The following TTC33 variants were observed in gnomAD, a reference collection of about 807,000 sequenced individuals.
TTC33 encodes tetratricopeptide repeat domain 33, also known as tetratricopeptide repeat protein 33.
A neutral mutation model predicts 29.4 loss-of-function variants in TTC33; 24 were observed. The ratio of observed to expected loss-of-function variants is 0.82; its 90% CI spans 0.59 to 1.15. The LOEUF (loss-of-function observed/expected upper bound fraction) is 1.15. TTC33 is among the 50% of genes most tolerant of loss of function. The pLI is 0.00. For missense variants in TTC33, 286 were observed against 310.4 expected (o/e 0.92, Z 0.59); for synonymous variants, 107 against 100.3 (o/e 1.07, Z -0.40).
chr5:40,712,587 C>G lies in TTC33; in HGVS notation c.*3558G>C, dbSNP rs964922209. The stretch of plus-strand genomic sequence containing the variant: ...TGGGCAGTTCTGCACAAGCACAAAT[C>G]TCCCTTTGCAGAGGCAAAGAACTTT... On this transcript the variant is annotated 3_prime_UTR_variant, in exon 5 of 5. Transcript: ENST00000337702. Among the ~76,000 whole-genome samples the G allele has an allele frequency of 6.6e-6, 1 of 152,176 alleles. No homozygotes were observed. The highest frequency in any genetic ancestry group is 1.5e-5 in the Non-Finnish European group (1 of 68,026).
At chr5:40,750,359 C>T (rs1742873361) in intron 1 of TTC33, among the ~76,000 whole-genome samples, 1 of 152,014 alleles carries the variant, frequency 6.6e-6, no homozygotes, top group East Asian at 1.9e-4. Context: ...GGCTTGAGCC[C>T]AGGAGTTTGA....
chr5:40,748,873 G>A lies in TTC33; in HGVS notation c.-1-1854C>T, dbSNP rs146161224. Among the ~76,000 whole-genome samples, 452 of 152,276 alleles carry A rather than the reference G, an allele frequency of 3.0e-3. 3 individuals carry two copies. Among genetic ancestry groups the A allele is most frequent in the African/African-American group, 0.01 (436 of 41,554 alleles). The stretch of plus-strand genomic sequence containing the variant: ...ATGCTGGCCGGGCACGGTGGCTCAC[G>A]TCTGTAATCCTAGCACTTTGGGAGG... On this transcript the variant is annotated intron_variant, in intron 1 of 4. Transcript: ENST00000337702.
intron 2 of TTC33, among the ~76,000 whole-genome samples, chr5:40,736,661 T>A (rs1444943044): frequency 2.0e-5 from 3 of 152,220 alleles, no homozygotes; most frequent in Non-Finnish European, 4.4e-5. Flanking sequence ...TAAAATATTA[T>A]ATCTAAAGTA....
intron 1 of TTC33, among the ~76,000 whole-genome samples, chr5:40,755,397 A>C (rs1742966077): frequency 6.6e-6 from 1 of 152,240 alleles, no homozygotes; most frequent in Admixed American, 6.5e-5. Context: ...CTTTCCCTTC[A>C]TCGGTCAACA....
At chr5:40,730,758 C>A (rs1238244650) in intron 2 of TTC33, among the ~76,000 whole-genome samples, 1 of 152,140 alleles carries the variant, frequency 6.6e-6, no homozygotes, top group African/African-American at 2.4e-5. Context: ...AGTCCAGCAA[C>A]TTACTAAAGT....
rs537081732 is a variant in TTC33, at chr5:40,716,097, C to G, written c.*48G>C. 3 of 1,458,586 alleles carry G rather than the reference C, an allele frequency of 2.1e-6. No individual in the cohort carries two copies. Among genetic ancestry groups the G allele is most frequent in the Non-Finnish European group, 2.8e-6 (3 of 1,083,168 alleles). 90.4% of individuals were successfully genotyped at this position (1,458,586 alleles called of 1,614,324 possible). The stretch of plus-strand genomic sequence containing the variant: ...AGTAAATGTCTCTATGTCAAAACTT[C>G]AAGAGGCAATCAAAAAGACAGATTC... On this transcript the variant is annotated 3_prime_UTR_variant, in exon 5 of 5. Coordinates refer to ENST00000337702, the MANE Select transcript of TTC33 (RefSeq NM_012382.3).
In TTC33 at chr5:40,713,888, G is replaced by T. The variant is rs529062483; in HGVS notation, c.*2257C>A. ...GTATTCACATCCTTGTAAAATAATG[G>T]GTGCATTTTTCTCTTCACGCATAGA... is the stretch of plus-strand genomic sequence containing the variant. On this transcript the variant is annotated 3_prime_UTR_variant, in exon 5 of 5. Transcript: ENST00000337702. Among the ~76,000 whole-genome samples, 1 of 152,014 alleles carries T rather than the reference G, an allele frequency of 6.6e-6. No individual in the cohort carries two copies.
intron 2 of TTC33, among the ~76,000 whole-genome samples, chr5:40,738,710 G>A (rs567796424): frequency 6.6e-6 from 1 of 152,128 alleles, no homozygotes; most frequent in African/African-American, 2.4e-5. Context: ...GCCAACACTT[G>A]ATACTGTCAA....
At chr5:40,728,148 G>A (rs1160208172) in intron 4 of TTC33, among the ~76,000 whole-genome samples, 197 bp downstream of exon 4, 1 of 151,758 alleles carries the variant, frequency 6.6e-6, no homozygotes, top group Non-Finnish European at 1.5e-5. Flanking sequence ...GCCAGGCATG[G>A]TGGCGCATGC....
In TTC33 at chr5:40,711,587, A is replaced by G. The variant is rs1286499461; in HGVS notation, c.*4558T>C. ...GTCCACACATAGAATTGTGATTTAT[A>G]TATATAGCAGCTTTATTCATAATAG... On this transcript the variant is annotated 3_prime_UTR_variant, in exon 5 of 5. Transcript: ENST00000337702. Among the ~76,000 whole-genome samples, 1 of 152,152 alleles carries G rather than the reference A, an allele frequency of 6.6e-6. No homozygotes were observed. Among genetic ancestry groups the G allele is most frequent in the Non-Finnish European group, 1.5e-5 (1 of 68,014 alleles).
intron 4 of TTC33, among the ~76,000 whole-genome samples, chr5:40,725,613 AAAGCC>A (rs1312451572): frequency 6.6e-6 from 1 of 152,166 alleles, no homozygotes; most frequent in Non-Finnish European, 1.5e-5. Flanking sequence ...AGAACCCTGG[AAAGCC>A]AACAGAAGAA....
At chr5:40,750,939 C>T (rs1452447059) in intron 1 of TTC33, among the ~76,000 whole-genome samples, 2 of 152,178 alleles carry the variant, frequency 1.3e-5, no homozygotes, top group Non-Finnish European at 2.9e-5. Context: ...TTACTATTTC[C>T]ACCACATCTG....
In TTC33 at chr5:40,732,760, C is replaced by T. The variant is rs534168967; in HGVS notation, c.222-2417G>A. Among the ~76,000 whole-genome samples, 24 of 152,234 alleles carry T rather than the reference C, an allele frequency of 1.6e-4. No homozygotes were observed. The South Asian group carries it at 4.6e-3, about 29-fold the overall frequency. ...AGTGGCTGGGACTACAGGCACATGC[C>T]ACCACACCTGGCTAATTTTTGTTTT... On this transcript the variant is annotated intron_variant, in intron 2 of 4. Coordinates refer to ENST00000337702, the MANE Select transcript of TTC33 (RefSeq NM_012382.3).
chr5:40,746,791 T>A lies in TTC33; in HGVS notation c.221+7A>T. 1 of 1,606,218 alleles carries A rather than the reference T, an allele frequency of 6.2e-7. No homozygotes were observed. Among genetic ancestry groups the A allele is most frequent in the Non-Finnish European group, 8.5e-7 (1 of 1,176,912 alleles). ...TTCTCCATAAAAAAAAAACTTTAAA[T>A]ACATACCTTTTATTTTCAGCCAAAC... On this transcript the variant is annotated splice_region_variant and intron_variant, in intron 2 of 4. Coordinates refer to ENST00000337702, the MANE Select transcript of TTC33 (RefSeq NM_012382.3).
At chr5:40,754,823 A>AT (rs1236643748) in intron 1 of TTC33, among the ~76,000 whole-genome samples, 1 of 152,276 alleles carries the variant, frequency 6.6e-6, no homozygotes, top group African/African-American at 2.4e-5. Context: ...CACTTTCTGC[A>AT]TTAGAAAATT....
chr5:40,728,675 A>G (rs1047434772), intron 3 of TTC33, among the ~76,000 whole-genome samples, 199 bp from the exon 4 acceptor site: 2 of 152,146 alleles, frequency 1.3e-5, no homozygotes, highest in African/African-American at 4.8e-5. Context: ...GAAAATGTAA[A>G]CGATTCCCTT....
rs762544229 is a variant in TTC33 at position 40,716,517 on chromosome 5, GT to G, written c.436-20del. 5.1e-5 allele frequency: 78 copies of G among 1,540,674 alleles called. No individual in the cohort carries two copies. The highest frequency in any genetic ancestry group is 6.0e-5 in the Non-Finnish European group (69 of 1,140,680). On this transcript the variant is annotated intron_variant, in intron 4 of 4. Coordinates refer to ENST00000337702, the MANE Select transcript of TTC33 (RefSeq NM_012382.3). The stretch of plus-strand genomic sequence containing the variant: ...GAATTGCCTAGAAAATAAGGTCAGA[GT>G]TTTTTGTTTTGGTTTTAAAAATTAG...
Position 40,730,276 on chromosome 5 carries a change from C to T in TTC33, c.289G>A (p.Glu97Lys), listed in dbSNP as rs144481517. 5.0e-6 allele frequency: 8 copies of T among 1,600,424 alleles called. No homozygotes were observed. Among genetic ancestry groups the T allele is most frequent in the South Asian group, 2.3e-5 (2 of 88,718 alleles). The change falls in exon 3 of 5, where the codon GAG becomes AAG. Residue 97 changes from glutamate to lysine, a missense_variant. Coordinates refer to ENST00000337702, the MANE Select transcript of TTC33 (RefSeq NM_012382.3). ...ATAATTATTACCTGTGATTTCATCT[C>T]GTATAGGGTAGCATCATTTGGAGTT... ...QLTPNDATLY[E>K]MKSQVLMSLH...
Position 40,724,735 on chromosome 5 carries a change from TACA to T in TTC33, c.435+3607_435+3609del, listed in dbSNP as rs201303177. ...AAAACTCAATTCTTAAGTGTCAACA[TACA>T]ACATTTATAAAGACTATAATTCAAG... On this transcript the variant is annotated intron_variant, in intron 4 of 4. Coordinates refer to ENST00000337702, the MANE Select transcript of TTC33 (RefSeq NM_012382.3). 5.8e-3 allele frequency among the ~76,000 whole-genome samples: 879 copies of T among 152,196 alleles called. 5 individuals carry two copies. Among genetic ancestry groups the T allele is most frequent in the African/African-American group, 0.019 (780 of 41,536 alleles).
Sources: allele counts gnomAD v4.1 joint callset (sites outside exome capture counted in the v4.1 genomes callset), GRCh38; gene constraint gnomAD v4.1.1; transcripts MANE v1.5; gene names NCBI Gene and HGNC (gene_info 2026-07-23, HGNC 2026-07-21).